CWC27: variants seen among roughly 807,000 people sequenced by gnomAD.
CWC27 encodes the protein spliceosome-associated protein CWC27 homolog.
In CWC27, 47 loss-of-function variants were observed where a neutral mutation model predicts 63.6. The ratio of observed to expected loss-of-function variants is 0.74; its 90% CI spans 0.58 to 0.94. The LOEUF is 0.94. Ranked by LOEUF, CWC27 falls within the 40% of genes least tolerant of loss-of-function variation. The pLI is 0.00. For synonymous variants in CWC27, 175 were observed against 179.8 expected (o/e 0.97, Z 0.22); for missense variants, 495 against 554.3 (o/e 0.89, Z 1.07).
At chr5:64,837,251 CAAG>C (rs773829119) in intron 10 of CWC27, among the ~76,000 whole-genome samples, 3 of 152,032 alleles carry the variant, frequency 2.0e-5, no homozygotes, top group Admixed American at 6.6e-5. Flanking sequence ...TCTTTTGTTT[CAAG>C]AAGGAGTTCT....
chr5:64,883,793 A>C (rs1427487970), intron 10 of CWC27, among the ~76,000 whole-genome samples: 1 of 152,222 alleles, frequency 6.6e-6, no homozygotes, highest in Non-Finnish European at 1.5e-5. Context: ...ATTTGTGAAG[A>C]TAATAATCAC....
At chr5:64,781,820 A>G (rs55793256) in intron 2 of CWC27, 101 bp from the exon 3 acceptor site, 296,728 of 542,542 alleles carry the variant, frequency 0.55, 83,673 homozygotes, top group East Asian at 0.84. Flanking sequence ...CGTATTTAAC[A>G]TTCTGGAAAA....
intron 10 of CWC27, among the ~76,000 whole-genome samples, chr5:64,880,829 G>A: frequency 6.9e-6 from 1 of 144,688 alleles, no homozygotes; most frequent in East Asian, 2.2e-4. Flanking sequence ...AAGTGGCTTA[G>A]AGTTAGTAAC....
intron 10 of CWC27, among the ~76,000 whole-genome samples, chr5:64,850,676 A>G (rs1746112544): frequency 6.6e-6 from 1 of 152,214 alleles, no homozygotes; most frequent in African/African-American, 2.4e-5. Flanking sequence ...ATAAAGGGTT[A>G]ATGTCTAAAA....
chr5:64,868,479 G>A (rs1016226312), intron 10 of CWC27, among the ~76,000 whole-genome samples: 20 of 151,906 alleles, frequency 1.3e-4, no homozygotes, highest in African/African-American at 3.6e-4. Context: ...ACTTACATAC[G>A]TAACATTGTT....
intron 1 of CWC27, among the ~76,000 whole-genome samples, chr5:64,770,345 C>A (rs1743206038): frequency 6.6e-6 from 1 of 152,132 alleles, no homozygotes; most frequent in Non-Finnish European, 1.5e-5. Flanking sequence ...AAAATACCTA[C>A]CTCCTCCTAT....
At chr5:64,889,597 G>A (rs1747172203) in intron 11 of CWC27, among the ~76,000 whole-genome samples, 2 of 152,076 alleles carry the variant, frequency 1.3e-5, no homozygotes, top group Non-Finnish European at 2.9e-5. Context: ...TTCTAATTAT[G>A]GCATAAAAAT....
intron 9 of CWC27, 108 bp from the exon 10 acceptor site, chr5:64,804,121 A>C (rs1744577577): frequency 2.0e-6 from 2 of 1,018,150 alleles, no homozygotes; most frequent in Non-Finnish European, 2.8e-6. Context: ...AAATAAAAAA[A>C]AAAACCTAGT....
intron 11 of CWC27, among the ~76,000 whole-genome samples, chr5:64,935,274 C>A (rs980639403): frequency 2.0e-5 from 3 of 152,030 alleles, no homozygotes; most frequent in East Asian, 1.9e-4. Flanking sequence ...TGAGTTAATT[C>A]TTGTGTAAGA....
At chr5:64,878,224 T>C (rs1041463292) in intron 10 of CWC27, among the ~76,000 whole-genome samples, 3 of 151,770 alleles carry the variant, frequency 2.0e-5, no homozygotes, top group African/African-American at 7.2e-5. Context: ...CCAAATACTT[T>C]GTCTAATCAT....
chr5:64,893,469 A>T (rs1341240705), intron 11 of CWC27, among the ~76,000 whole-genome samples: 1 of 152,234 alleles, frequency 6.6e-6, no homozygotes, highest in Non-Finnish European at 1.5e-5. Context: ...TTAAAAAATG[A>T]TTAATGCAAT....
At chr5:64,870,945 A>G (rs1027280523) in intron 10 of CWC27, among the ~76,000 whole-genome samples, 2 of 152,148 alleles carry the variant, frequency 1.3e-5, no homozygotes, top group Non-Finnish European at 2.9e-5. Flanking sequence ...GTGCTTGACA[A>G]GGAGCTTGAG....
chr5:64,832,313 T>C (rs1337049621), intron 10 of CWC27, among the ~76,000 whole-genome samples: 1 of 151,898 alleles, frequency 6.6e-6, no homozygotes, highest in Non-Finnish European at 1.5e-5. Context: ...AAAAACATCT[T>C]TCAGTGTTTC....
At chr5:64,845,255 C>T (rs1452298196) in intron 10 of CWC27, among the ~76,000 whole-genome samples, 3 of 152,204 alleles carry the variant, frequency 2.0e-5, no homozygotes, top group Admixed American at 6.5e-5. Flanking sequence ...TGCCAAAGAA[C>T]ACCTATTGTA....
intron 10 of CWC27, among the ~76,000 whole-genome samples, chr5:64,848,287 T>C (rs865837820): frequency 6.6e-6 from 1 of 152,120 alleles, no homozygotes; most frequent in Non-Finnish European, 1.5e-5. Flanking sequence ...CCTAGACATA[T>C]ACCACCTACC....
intron 2 of CWC27, among the ~76,000 whole-genome samples, chr5:64,776,068 C>CGAGAAAGA (rs1743432120): frequency 9.2e-6 from 1 of 108,556 alleles, no homozygotes; most frequent in Non-Finnish European, 1.9e-5. Context: ...AGGAGTGGAG[C>CGAGAAAGA]GAGAGAGAGA....
Position 64,792,389 on chromosome 5 carries a change from GC to G in CWC27, c.669+3371del, listed in dbSNP as rs1744116537. Among the ~76,000 whole-genome samples the G allele has an allele frequency of 2.0e-5, 3 of 152,048 alleles. No individual in the cohort carries two copies. In the South Asian group the frequency reaches 6.2e-4, roughly 32 times the overall value. On this transcript the variant is annotated intron_variant, in intron 7 of 13. Coordinates refer to ENST00000381070, the MANE Select transcript of CWC27 (RefSeq NM_005869.4). ...GAATGATTTGCTGCTCTATATGTAT[GC>G]CTTATTGTTTCCATTTTTTGTGCCT...
chr5:64,944,213 C>T (rs1442201727), intron 11 of CWC27, among the ~76,000 whole-genome samples: 1 of 151,960 alleles, frequency 6.6e-6, no homozygotes, highest in Non-Finnish European at 1.5e-5. Context: ...GTCTCCACAT[C>T]CCCCTCTAAC....
At chr5:64,781,881 A>T in intron 2 of CWC27, 40 bp from the exon 3 acceptor site, 1 of 1,080,368 alleles carries the variant, frequency 9.3e-7, no homozygotes, top group South Asian at 1.4e-5. Context: ...AGAGATGATT[A>T]ATTTTAGACA....
Sources: allele counts gnomAD v4.1 joint callset (sites outside exome capture counted in the v4.1 genomes callset), GRCh38; gene constraint gnomAD v4.1.1; transcripts MANE v1.5; gene names NCBI Gene and HGNC (gene_info 2026-07-23, HGNC 2026-07-21).